The following WDR64 variants were observed in gnomAD, a reference collection of about 807,000 sequenced individuals.
WDR64 encodes the protein WD repeat domain 64.
Under a neutral mutation model 139.3 loss-of-function variants are expected in WDR64, and 112 were observed. That is an observed-to-expected ratio of 0.80 (90% CI 0.69 to 0.94). WDR64 has a LOEUF of 0.94. Among genes scored for constraint, WDR64 ranks in the 40% least tolerant of loss-of-function variants. WDR64 has a pLI of 0.00. For synonymous variants in WDR64, 444 were observed against 437.7 expected (o/e 1.01, Z -0.18); for missense variants, 1,206 against 1,293.1 (o/e 0.93, Z 1.03).
At chr1:241,655,181 A>T (rs552059299) in intron 1 of WDR64, among the ~76,000 whole-genome samples, 21 of 152,272 alleles carry the variant, frequency 1.4e-4, no homozygotes, top group African/African-American at 3.9e-4. Context: ...TCAGGAGTTC[A>T]AGACCAGCCT....
rs1298849229 is a variant in WDR64 at position 241,687,582 on chromosome 1, C to G, written c.961C>G (p.Leu321Val). ...ATTAGTTTTGGAATCCTTGAAGAGACTCGAGGATAATTTGTAAGTATAGTA... is the reference window on the plus strand; with the variant it reads ...ATTAGTTTTGGAATCCTTGAAGAGAGTCGAGGATAATTTGTAAGTATAGTA... ...HSLVLESLKR[L>V]EDNLPVREFS... The change falls in exon 8 of 28, where the codon CTC becomes GTC. Residue 321 changes from leucine (L) to valine (V), a missense_variant. Leu to Val is a conservative substitution (Grantham distance 32). Coordinates refer to ENST00000437684, the MANE Select transcript of WDR64 (RefSeq NM_001367482.1). 6.2e-7 allele frequency: 1 copy of G among 1,612,584 alleles called. No homozygotes were observed.
chr1:241,657,381 GA>G (rs1385357309), intron 1 of WDR64, among the ~76,000 whole-genome samples: 1 of 152,016 alleles, frequency 6.6e-6, no homozygotes, highest in East Asian at 1.9e-4. Flanking sequence ...ACACCCCAAA[GA>G]CATCTTACCA....
intron 3 of WDR64, among the ~76,000 whole-genome samples, chr1:241,672,226 TC>T (rs1666261098): frequency 6.6e-6 from 1 of 151,944 alleles, no homozygotes; most frequent in South Asian, 2.1e-4. Context: ...CCCACCTTCA[TC>T]CTTGACTCTT....
chr1:241,702,619 A>G (rs985988190), intron 8 of WDR64, among the ~76,000 whole-genome samples: 1 of 152,232 alleles, frequency 6.6e-6, no homozygotes, highest in Non-Finnish European at 1.5e-5. Flanking sequence ...TCCTGCATCT[A>G]GAGCAGGGAT....
At chr1:241,717,060 C>T (rs1221711221) in intron 9 of WDR64, among the ~76,000 whole-genome samples, 1 of 152,142 alleles carries the variant, frequency 6.6e-6, no homozygotes, top group Non-Finnish European at 1.5e-5. Context: ...GTAAGATCAC[C>T]TATGGGTGCA....
At chr1:241,686,805 G>A (rs1156420144) in intron 7 of WDR64, among the ~76,000 whole-genome samples, 1 of 152,116 alleles carries the variant, frequency 6.6e-6, no homozygotes, top group African/African-American at 2.4e-5. Flanking sequence ...TTTTCAGATG[G>A]ATTGATTCAA....
intron 13 of WDR64, among the ~76,000 whole-genome samples, chr1:241,745,752 T>A (rs1669733001): frequency 6.6e-6 from 1 of 152,050 alleles, no homozygotes; most frequent in African/African-American, 2.4e-5. Flanking sequence ...TGCCAAGCCC[T>A]CTCTGTTAAA....
Position 241,674,763 on chromosome 1 carries a change from T to G in WDR64, c.483+16T>G, listed in dbSNP as rs66585415. 7.4e-6 allele frequency: 11 copies of G among 1,476,756 alleles called. No homozygotes were observed. The highest frequency in any genetic ancestry group is 1.0e-5 in the Non-Finnish European group (11 of 1,084,630). The allele number at this position is 1,476,756 out of a possible 1,614,324, so 91.5% of individuals were successfully genotyped here. The stretch of plus-strand genomic sequence containing the variant: ...TAATAACCAGGTAATTTCTTTTTCT[T>G]TTTTTAACTGAATGACTCATTTTAC... On this transcript the variant is annotated intron_variant, in intron 4 of 27. Transcript: ENST00000437684.
intron 8 of WDR64, among the ~76,000 whole-genome samples, chr1:241,693,882 A>G (rs1019938294): frequency 2.6e-5 from 4 of 152,146 alleles, no homozygotes; most frequent in African/African-American, 7.2e-5. Context: ...TTAAAAATTT[A>G]TTTTCAAAAC....
chr1:241,775,802 A>T (rs1038474794), intron 21 of WDR64, among the ~76,000 whole-genome samples: 1 of 152,166 alleles, frequency 6.6e-6, no homozygotes. Flanking sequence ...GTTTTATTTT[A>T]CTAGTGTTTA....
In WDR64 at chr1:241,760,505, G is replaced by A. The variant is rs547637821; in HGVS notation, c.1947+3046G>A. On this transcript the variant is annotated intron_variant, in intron 15 of 27. Coordinates refer to ENST00000437684, the MANE Select transcript of WDR64 (RefSeq NM_001367482.1). The stretch of plus-strand genomic sequence containing the variant: ...AATAAGAAGCTGGAAAAAATATGTG[G>A]AACTTATATCACAAAAGGACTAATA... 3.3e-5 allele frequency among the ~76,000 whole-genome samples: 5 copies of A among 151,028 alleles called. No homozygotes were observed. The East Asian group carries it at 9.7e-4, about 29-fold the overall frequency.
chr1:241,731,434 A>G (rs1419678857), intron 10 of WDR64, among the ~76,000 whole-genome samples: 2 of 152,098 alleles, frequency 1.3e-5, no homozygotes, highest in African/African-American at 2.4e-5. Flanking sequence ...TTTAACGTTC[A>G]TAACGACCCT....
At chr1:241,801,060 C>T (rs1029731167) in intron 27 of WDR64, 72 bp from the exon 28 acceptor site, 4 of 1,254,880 alleles carry the variant, frequency 3.2e-6, no homozygotes, top group Non-Finnish European at 4.6e-6. Context: ...ATTAGCAATA[C>T]ACCTTGACTC....
intron 10 of WDR64, among the ~76,000 whole-genome samples, chr1:241,728,533 T>G (rs1668944667): frequency 1.3e-5 from 2 of 152,238 alleles, no homozygotes; most frequent in Admixed American, 1.3e-4. Context: ...TGCCTTTTCC[T>G]AAGCTCTTAA....
At chr1:241,795,922 A>G (rs998522650) in intron 26 of WDR64, among the ~76,000 whole-genome samples, 1 of 152,126 alleles carries the variant, frequency 6.6e-6, no homozygotes, top group Non-Finnish European at 1.5e-5. Context: ...AGATGATGCT[A>G]AAGGGTGAAC....
chr1:241,656,872 G>GTGTGTGTGTGTA lies in WDR64; in HGVS notation c.146-3647_146-3646insATGTGTGTGTGT, dbSNP rs1470023519. 0.01 allele frequency among the ~76,000 whole-genome samples: 521 copies of GTGTGTGTGTGTA among 50,838 alleles called. 9 individuals are homozygous for GTGTGTGTGTGTA. The highest frequency in any genetic ancestry group is 0.036 in the African/African-American group (434 of 11,956). 33.4% of individuals were successfully genotyped at this position (50,838 alleles called of 152,430 possible). The stretch of plus-strand genomic sequence containing the variant: ...ATGTCTCAAGTCTTTGCCAAATGTT[G>GTGTGTGTGTGTA]TGTGTGTGTGTGTGTGTGTGTGTGT... On this transcript the variant is annotated intron_variant, in intron 1 of 27. Coordinates refer to ENST00000437684, the MANE Select transcript of WDR64 (RefSeq NM_001367482.1). The surrounding 1 kb of genome is among the most constrained non-coding windows in gnomAD (Gnocchi z 4.3).
At chr1:241,762,691 G>C (rs1401454491) in intron 15 of WDR64, among the ~76,000 whole-genome samples, 5 of 150,812 alleles carry the variant, frequency 3.3e-5, no homozygotes, top group African/African-American at 9.8e-5. Context: ...AAAGTCTTCA[G>C]TTTTTTTCTC....
chr1:241,783,926 A>T (rs1658941752), intron 23 of WDR64, among the ~76,000 whole-genome samples: 1 of 152,228 alleles, frequency 6.6e-6, no homozygotes, highest in Admixed American at 6.5e-5. Context: ...CTAGAAACAA[A>T]TTTCTGCATA....
At chr1:241,693,541 T>C (rs141019039) in intron 8 of WDR64, among the ~76,000 whole-genome samples, 6,260 of 152,232 alleles carry the variant, frequency 0.041, 180 homozygotes, top group South Asian at 0.058. Flanking sequence ...TAATGTAAAC[T>C]ATGGACTTTG....
Sources: allele counts gnomAD v4.1 joint callset (sites outside exome capture counted in the v4.1 genomes callset), GRCh38; gene constraint gnomAD v4.1.1; non-coding constraint Gnocchi (gnomAD v3.1); transcripts MANE v1.5; gene names NCBI Gene and HGNC (gene_info 2026-07-23, HGNC 2026-07-21).